Variants in C8orf34 observed in about 807,000 individuals in gnomAD.
C8orf34 encodes the protein chromosome 8 open reading frame 34.
In C8orf34, 65 loss-of-function variants were observed where a neutral mutation model predicts 68.3. The observed-to-expected ratio is 0.95, with a 90% CI of 0.78 to 1.17. The LOEUF is 1.17. C8orf34 is among the 50% of genes most tolerant of loss of function. C8orf34 has a pLI of 0.00. For missense variants in C8orf34, 664 were observed against 655.4 expected (o/e 1.01, Z -0.14); for synonymous variants, 244 against 241.2 (o/e 1.01, Z -0.11).
At chr8:68,804,792 T>C (rs577380791) in intron 12 of C8orf34, among the ~76,000 whole-genome samples, 82 of 152,050 alleles carry the variant, frequency 5.4e-4, no homozygotes, top group Middle Eastern at 3.4e-3. Flanking sequence ...AATAAATAAA[T>C]AAACAAACAA....
Position 68,641,958 on chromosome 8 carries a change from C to T in C8orf34, c.1241+1447C>T, listed in dbSNP as rs956961030. Among the ~76,000 whole-genome samples, 34 of 152,268 alleles carry T rather than the reference C, an allele frequency of 2.2e-4. 1 individual carries two copies. The highest frequency in any genetic ancestry group is 2.0e-3 in the Admixed American group (31 of 15,290). On this transcript the variant is annotated intron_variant, in intron 8 of 13. Coordinates refer to ENST00000518698, the MANE Select transcript of C8orf34 (RefSeq NM_052958.4). ...TATAAACCACATACTAGTCTAAAGACATGAAATGTGTAAACTGATTTAATT... is the reference window on the plus strand; with the variant it reads ...TATAAACCACATACTAGTCTAAAGATATGAAATGTGTAAACTGATTTAATT...
chr8:68,730,834 C>T (rs1042921954), intron 10 of C8orf34, among the ~76,000 whole-genome samples: 2 of 151,892 alleles, frequency 1.3e-5, no homozygotes, highest in Non-Finnish European at 2.9e-5. Flanking sequence ...AAATAATACC[C>T]AAGGAGATGT....
chr8:68,752,985 T>C (rs1822751418), intron 10 of C8orf34, among the ~76,000 whole-genome samples: 1 of 152,214 alleles, frequency 6.6e-6, no homozygotes, highest in South Asian at 2.1e-4. Flanking sequence ...TTTTTGAGAA[T>C]CGTATGGTTC....
intron 3 of C8orf34, among the ~76,000 whole-genome samples, chr8:68,461,688 A>G (rs1444241755): frequency 6.6e-6 from 1 of 152,180 alleles, no homozygotes; most frequent in Non-Finnish European, 1.5e-5. Flanking sequence ...ATCCAGCCAA[A>G]CTAAGCTTCG....
chr8:68,678,908 T>C (rs1393229914), intron 8 of C8orf34, among the ~76,000 whole-genome samples: 3 of 137,352 alleles, frequency 2.2e-5, no homozygotes, highest in Non-Finnish European at 3.2e-5. Context: ...GTCAGTAAAA[T>C]TGCAGGATAC....
At chr8:68,453,741 C>A (rs991805265) in intron 3 of C8orf34, among the ~76,000 whole-genome samples, 5 of 151,998 alleles carry the variant, frequency 3.3e-5, no homozygotes, top group Admixed American at 3.3e-4. Flanking sequence ...TTCTTCCTTT[C>A]CAATTTGGTT....
chr8:68,626,770 C>A (rs1054289705), intron 7 of C8orf34, among the ~76,000 whole-genome samples: 9 of 151,966 alleles, frequency 5.9e-5, no homozygotes, highest in Admixed American at 5.2e-4. Flanking sequence ...TAAATAGGGT[C>A]AGCAATTAGT....
intron 7 of C8orf34, among the ~76,000 whole-genome samples, chr8:68,587,380 G>A (rs1817239475): frequency 6.6e-6 from 1 of 152,036 alleles, no homozygotes; most frequent in African/African-American, 2.4e-5. Context: ...CATTGAACTT[G>A]CTTTTTCATC....
chr8:68,612,097 G>A (rs1818039968), intron 7 of C8orf34, among the ~76,000 whole-genome samples: 2 of 151,964 alleles, frequency 1.3e-5, no homozygotes, highest in South Asian at 2.1e-4. Context: ...ATGATGGAAC[G>A]CTCTTCCCAT....
intron 8 of C8orf34, among the ~76,000 whole-genome samples, chr8:68,659,233 G>A (rs1297935990): frequency 6.6e-6 from 1 of 152,002 alleles, no homozygotes; most frequent in Non-Finnish European, 1.5e-5. Context: ...GCCATCCCTG[G>A]GTTTTATAGA....
At chr8:68,803,454 C>CA (rs1163188842) in intron 12 of C8orf34, among the ~76,000 whole-genome samples, 1 of 151,744 alleles carries the variant, frequency 6.6e-6, no homozygotes, top group African/African-American at 2.4e-5. Context: ...CTAATCATGA[C>CA]AAAAAATTCA....
intron 1 of C8orf34, among the ~76,000 whole-genome samples, chr8:68,385,077 G>C (rs2129620369): frequency 6.6e-6 from 1 of 152,280 alleles, no homozygotes; most frequent in Non-Finnish European, 1.5e-5. Context: ...TAAACAACTT[G>C]AATTGAGGTC....
intron 12 of C8orf34, 21 bp downstream of exon 12, chr8:68,787,557 AT>A (rs763628836): frequency 2.0e-6 from 3 of 1,524,758 alleles, no homozygotes; most frequent in Non-Finnish European, 1.8e-6. Context: ...ACTATTGTTT[AT>A]TGACAAATTT....
chr8:68,510,378 C>A (rs1471895938), intron 5 of C8orf34, among the ~76,000 whole-genome samples: 2 of 152,264 alleles, frequency 1.3e-5, no homozygotes, highest in East Asian at 1.9e-4. Context: ...GATAGGCATC[C>A]TATTTATCCC....
At chr8:68,466,620 T>A (rs1812148032) in intron 3 of C8orf34, among the ~76,000 whole-genome samples, 1 of 151,408 alleles carries the variant, frequency 6.6e-6, no homozygotes, top group Non-Finnish European at 1.5e-5. Flanking sequence ...GGGAGATAAT[T>A]TATTCAGCCA....
chr8:68,428,927 A>T (rs546361883), intron 1 of C8orf34, among the ~76,000 whole-genome samples: 1 of 152,240 alleles, frequency 6.6e-6, no homozygotes, highest in East Asian at 1.9e-4. Flanking sequence ...CTCACCCCAT[A>T]ATAAATGTTG....
chr8:68,779,570 A>C (rs928657892), intron 11 of C8orf34, among the ~76,000 whole-genome samples: 1 of 152,096 alleles, frequency 6.6e-6, no homozygotes, highest in African/African-American at 2.4e-5. Context: ...GTGCCATCTG[A>C]ACCAGAAAGG....
chr8:68,783,004 C>T (rs539056846), intron 11 of C8orf34, among the ~76,000 whole-genome samples: 12 of 147,302 alleles, frequency 8.1e-5, no homozygotes, highest in Non-Finnish European at 1.5e-4. Flanking sequence ...TTCAGGAGGT[C>T]GAGGCTGCAG....
At chr8:68,756,785 T>A (rs1255864401) in intron 10 of C8orf34, among the ~76,000 whole-genome samples, 2 of 152,190 alleles carry the variant, frequency 1.3e-5, no homozygotes, top group African/African-American at 4.8e-5. Context: ...TAAATAAATA[T>A]TCTGATCAAT....
Sources: gnomAD v4.1 joint callset for allele counts (sites outside exome capture counted in the v4.1 genomes callset) on GRCh38, gnomAD v4.1.1 for gene constraint, MANE v1.5 for transcripts, NCBI Gene and HGNC (gene_info 2026-07-23, HGNC 2026-07-21) for gene names.